PNISR: variants seen among roughly 807,000 people sequenced by gnomAD.
PNISR encodes arginine/serine-rich protein PNISR.
Under a neutral mutation model 93.4 loss-of-function variants are expected in PNISR, and 20 were observed. That is an observed-to-expected ratio of 0.21 (90% CI 0.15 to 0.31). The LOEUF (loss-of-function observed/expected upper bound fraction) is 0.31, where lower values mean the gene tolerates loss of function less well. Ranked by LOEUF, PNISR falls within the 10% of genes least tolerant of loss-of-function variation. PNISR has a pLI of 1.00. For synonymous variants in PNISR, 305 were observed against 306.5 expected (o/e 0.99, Z 0.05); for missense variants, 893 against 985.4 (o/e 0.91, Z 1.25).
In PNISR at chr6:99,398,209, TTAA is replaced by T. The variant is rs1554210513; in HGVS notation, c.*2328_*2330del. On this transcript the variant is annotated 3_prime_UTR_variant, in exon 12 of 12. Coordinates refer to ENST00000369239, the MANE Select transcript of PNISR (RefSeq NM_032870.4). The stretch of plus-strand genomic sequence containing the variant: ...TAGAAATATTTTTTAATAGAACCTC[TTAA>T]ACAAGACATTTTCATTAACCAATCC... The T allele has an allele frequency of 6.6e-6, 1 of 152,138 alleles. No individual in the cohort carries two copies. The highest frequency in any genetic ancestry group is 1.5e-5 in the Non-Finnish European group (1 of 67,988). The allele number at this position is 152,138 out of a possible 1,614,324, so 9.4% of individuals were successfully genotyped here.
intron 4 of PNISR, chr6:99,412,000 T>G (rs1396598010): frequency 3.8e-6 from 1 of 263,632 alleles, no homozygotes; most frequent in Non-Finnish European, 7.6e-6. Flanking sequence ...CATGGAAGAC[T>G]GAATTAGCAT....
intron 1 of PNISR, among the ~76,000 whole-genome samples, chr6:99,417,261 C>A (rs889550312): frequency 6.6e-6 from 1 of 152,166 alleles, no homozygotes; most frequent in African/African-American, 2.4e-5. Context: ...TACCATCATT[C>A]CCAATCCATA....
chr6:99,405,800 T>C (rs1184154627), intron 8 of PNISR, among the ~76,000 whole-genome samples: 1 of 152,102 alleles, frequency 6.6e-6, no homozygotes, highest in Non-Finnish European at 1.5e-5. Context: ...CAAGCAATCC[T>C]CCTGCCTTGG....
At chr6:99,415,222 A>G (rs1777520387) in intron 2 of PNISR, 2 of 152,244 alleles carry the variant, frequency 1.3e-5, no homozygotes, top group African/African-American at 2.4e-5. Flanking sequence ...GGTTGCCAAA[A>G]TATCACCCCT....
At chr6:99,423,285 C>T (rs1778870162) in intron 1 of PNISR, among the ~76,000 whole-genome samples, 1 of 151,958 alleles carries the variant, frequency 6.6e-6, no homozygotes, top group Non-Finnish European at 1.5e-5. Flanking sequence ...AATAAACATC[C>T]ACAAGCCCAT....
At chr6:99,418,876 C>T (rs909553869) in intron 1 of PNISR, among the ~76,000 whole-genome samples, 3 of 152,102 alleles carry the variant, frequency 2.0e-5, no homozygotes, top group African/African-American at 7.2e-5. Flanking sequence ...TGGCTGGGCA[C>T]GGTGGCTCAC....
chr6:99,422,027 G>A (rs1206770817), intron 1 of PNISR, among the ~76,000 whole-genome samples: 3 of 152,042 alleles, frequency 2.0e-5, no homozygotes, highest in African/African-American at 7.2e-5. Context: ...CACCGCGCGA[G>A]GATAATGTTT....
At chr6:99,421,292 C>A (rs1409535914) in intron 1 of PNISR, among the ~76,000 whole-genome samples, 2 of 152,002 alleles carry the variant, frequency 1.3e-5, no homozygotes, top group Non-Finnish European at 1.5e-5. Context: ...CACACACTGC[C>A]GCAAAAAAAT....
rs1275831260 is a variant in PNISR at position 99,414,559 on chromosome 6, T to C, written c.88+13A>G. 1 of 1,441,432 alleles carries C rather than the reference T, an allele frequency of 6.9e-7. No individual in the cohort carries two copies. Among genetic ancestry groups the C allele is most frequent in the Non-Finnish European group, 9.8e-7 (1 of 1,024,654 alleles). 89.3% of individuals were successfully genotyped at this position (1,441,432 alleles called of 1,614,324 possible). On this transcript the variant is annotated intron_variant, in intron 3 of 11. Coordinates refer to ENST00000369239, the MANE Select transcript of PNISR (RefSeq NM_032870.4). ...TCCAACCCCGCCCTTTCAAATTCAA[T>C]TTGTTTCCTTACTTGGATCCTGTTG...
At chr6:99,415,520 C>G (rs1777564384) in intron 2 of PNISR, 1 of 152,120 alleles carries the variant, frequency 6.6e-6, no homozygotes, top group African/African-American at 2.4e-5. Flanking sequence ...CCCAACTTTT[C>G]TGTAAGCTAG....
chr6:99,400,900 A>G lies in PNISR; in HGVS notation c.2058T>C (p.Arg686=). The G allele has an allele frequency of 6.4e-7, 1 of 1,572,094 alleles. No homozygotes were observed. Among genetic ancestry groups the G allele is most frequent in the Non-Finnish European group, 8.7e-7 (1 of 1,144,998 alleles). The stretch of plus-strand genomic sequence containing the variant: ...GTTTCTCTTTTCTTTTATCCTGTTC[A>G]CGTTCCCTTTCTTTGTCTTTCTTTT... ...DRKKKDKERE[R]EQDKRKEKQK... Residue 686 remains arginine (R), a synonymous_variant, in exon 12 of 12, where the codon CGT becomes CGC. Coordinates refer to ENST00000369239, the MANE Select transcript of PNISR (RefSeq NM_032870.4).
At chr6:99,424,549 G>A (rs1241589409) in intron 1 of PNISR, among the ~76,000 whole-genome samples, 2 of 152,210 alleles carry the variant, frequency 1.3e-5, no homozygotes, top group Non-Finnish European at 2.9e-5. Flanking sequence ...CTCAAATGAG[G>A]AATTCTAAGT....
chr6:99,400,740 T>C lies in PNISR; in HGVS notation c.2218A>G (p.Ser740Gly), dbSNP rs759243130. The change falls in exon 12 of 12, where the codon AGT (serine) becomes GGT (glycine). Residue 740 changes from serine (S) to glycine (G), a missense_variant. Ser to Gly is a moderately conservative substitution (Grantham distance 56). Coordinates refer to ENST00000369239, the MANE Select transcript of PNISR (RefSeq NM_032870.4). Reference protein sequence around the residue: ...KIIRHDSRQDSKKSTTKDSKK... With the variant: ...KIIRHDSRQDGKKSTTKDSKK... ...CTATCTTTGGTAGTACTTTTCTTAC[T>C]ATCCTGTCTAGAATCATGTCTTATG... is the stretch of plus-strand genomic sequence containing the variant. 2.5e-6 allele frequency: 4 copies of C among 1,610,914 alleles called. No homozygotes were observed. The highest frequency in any genetic ancestry group is 1.7e-5 in the Admixed American group (1 of 59,396).
chr6:99,409,291 T>G lies in PNISR; in HGVS notation c.555A>C (p.Gln185His). ...GTGCTGGAGGTCCTGGAGGTCCTGG[T>G]TGCCAATAAGGAGGATGAAATCCAC... ...PQGGFHPPYW[Q>H]PGPPGPPAPP... is the part of the protein sequence containing the mutation. The change falls in exon 6 of 12, where the codon CAA (glutamine) becomes CAC (histidine). Residue 185 changes from glutamine (Q) to histidine (H), a missense_variant. Coordinates refer to ENST00000369239, the MANE Select transcript of PNISR (RefSeq NM_032870.4). 1 of 1,613,964 alleles carries G rather than the reference T, an allele frequency of 6.2e-7. No individual in the cohort carries two copies.
At chr6:99,405,456 G>A (rs1254241640) in intron 8 of PNISR, among the ~76,000 whole-genome samples, 2 of 152,098 alleles carry the variant, frequency 1.3e-5, no homozygotes, top group Non-Finnish European at 2.9e-5. Context: ...AACAGAGCGA[G>A]ACTCCATCTC....
chr6:99,398,523 A>G lies in PNISR; in HGVS notation c.*2017T>C, dbSNP rs1775113327. On this transcript the variant is annotated 3_prime_UTR_variant, in exon 12 of 12. Transcript: ENST00000369239. ...TTATGTACTAATAATCACAAATATC[A>G]TGACGGCTTTTAAAAAAACTACAGA... 6.6e-6 allele frequency: 1 copy of G among 152,158 alleles called. No individual in the cohort carries two copies. The highest frequency in any genetic ancestry group is 1.5e-5 in the Non-Finnish European group (1 of 67,962). 9.4% of individuals were successfully genotyped at this position (152,158 alleles called of 1,614,324 possible).
Position 99,399,994 on chromosome 6 carries a change from G to A in PNISR, c.*546C>T, listed in dbSNP as rs1775266156. On this transcript the variant is annotated 3_prime_UTR_variant, in exon 12 of 12. Coordinates refer to ENST00000369239, the MANE Select transcript of PNISR (RefSeq NM_032870.4). ...CAAAAATGAACTAAAGAGCTTTATT[G>A]ACATCACAGTACATTCAAGAATAAT... 1 of 152,014 alleles carries A rather than the reference G, an allele frequency of 6.6e-6. No individual in the cohort carries two copies. The highest frequency in any genetic ancestry group is 2.4e-5 in the African/African-American group (1 of 41,368). The allele number at this position is 152,014 out of a possible 1,614,324, so 9.4% of individuals were successfully genotyped here.
At chr6:99,407,338 C>CAAAA (rs67886910) in intron 7 of PNISR, among the ~76,000 whole-genome samples, 1 of 122,096 alleles carries the variant, frequency 8.2e-6, no homozygotes, top group African/African-American at 2.9e-5. Flanking sequence ...CCTAAAAAGA[C>CAAAA]AAAAAAAAAA....
Position 99,401,260 on chromosome 6 carries a change from G to C in PNISR, c.1698C>G (p.Ile566Met), listed in dbSNP as rs546698386. The C allele has an allele frequency of 1.2e-6, 2 of 1,613,098 alleles. No individual in the cohort carries two copies. The highest frequency in any genetic ancestry group is 2.2e-5 in the South Asian group (2 of 91,030). ...TTCTACTCCTGCTACGTCTAGCTTTGATTGTTGGAGATCTACTCCTACTGT... is the reference window on the plus strand; with the variant it reads ...TTCTACTCCTGCTACGTCTAGCTTTCATTGTTGGAGATCTACTCCTACTGT... The part of the protein sequence containing the change: ...KRHSRSRSPT[I>M]KARRSRSRSY... Residue 566 changes from isoleucine (I) to methionine (M), a missense_variant, in exon 12 of 12, where the codon ATC (isoleucine) becomes ATG (methionine). Ile to Met is a conservative substitution (Grantham distance 10). This residue lies in a region of PNISR where 866 missense variants were observed against 935.1 expected (regional missense o/e 0.93). Transcript: ENST00000369239.
Sources: allele counts gnomAD v4.1 joint callset (sites outside exome capture counted in the v4.1 genomes callset), GRCh38; gene constraint gnomAD v4.1.1; regional missense constraint gnomAD v4.1.1; transcripts MANE v1.5; gene names NCBI Gene and HGNC (gene_info 2026-07-23, HGNC 2026-07-21).